The following CHMP3 variants were observed in gnomAD, a reference collection of about 807,000 sequenced individuals.
CHMP3 encodes the protein 25.1 protein.
CHMP3 carries 8 observed loss-of-function variants against 27.4 expected under a neutral mutation model. The ratio of observed to expected loss-of-function variants is 0.29; its 90% confidence interval spans 0.17 to 0.53. The LOEUF (loss-of-function observed/expected upper bound fraction) is 0.53. CHMP3 is among the 20% of genes least tolerant of loss of function. The pLI is 0.96. For missense variants in CHMP3, 208 were observed against 271.5 expected, an observed-to-expected ratio of 0.77 and a Z score of 1.64; for synonymous variants, 86 against 85.5, an observed-to-expected ratio of 1.01 and a Z score of -0.03.
chr2:86,525,895 G>A (rs138652922), intron 3 of CHMP3, among the ~76,000 whole-genome samples: 5 of 152,166 alleles, frequency 3.3e-5, no homozygotes, highest in East Asian at 1.9e-4. Context: ...TGCCAATTAC[G>A]CACTTAGAGA....
At chr2:86,560,646 T>C (rs1293481127) in intron 1 of CHMP3, among the ~76,000 whole-genome samples, 3 of 151,504 alleles carry the variant, frequency 2.0e-5, no homozygotes, top group African/African-American at 7.3e-5. Context: ...CCACAGCACG[T>C]GTATATATGT....
chr2:86,546,457 G>A (rs1676610272), intron 1 of CHMP3, among the ~76,000 whole-genome samples: 2 of 146,550 alleles, frequency 1.4e-5, no homozygotes, highest in South Asian at 2.2e-4. Flanking sequence ...TTTTTTTTGA[G>A]ACGGACTTTC....
Position 86,505,744 on chromosome 2 carries a change from GAC to G in CHMP3, c.*58_*59del, listed in dbSNP as rs1674862801. On this transcript the variant is annotated 3_prime_UTR_variant, in exon 6 of 6. Coordinates refer to ENST00000263856, the MANE Select transcript of CHMP3 (RefSeq NM_016079.4). ...CTCACAACAGAGGTGTAGTGCAAGA[GAC>G]ACATAAAATGGCAGCTCTTGAGAGG... The G allele has an allele frequency of 7.0e-7, 1 of 1,429,552 alleles. No homozygotes were observed. Among genetic ancestry groups the G allele is most frequent in the African/African-American group, 1.4e-5 (1 of 69,264 alleles). 88.6% of individuals were successfully genotyped at this position (1,429,552 alleles called of 1,614,324 possible). A position where few individuals can be genotyped will look rare whatever the true frequency, so the allele number is the denominator to read the frequency against.
chr2:86,560,362 T>C (rs112957763), intron 1 of CHMP3, among the ~76,000 whole-genome samples: 2,804 of 152,164 alleles, frequency 0.018, 50 homozygotes, highest in East Asian at 0.053. Context: ...TGTGGCACCA[T>C]GGAATACTAT....
chr2:86,558,917 T>C (rs926995917), intron 1 of CHMP3, among the ~76,000 whole-genome samples: 12 of 151,746 alleles, frequency 7.9e-5, no homozygotes, highest in African/African-American at 2.9e-4. Flanking sequence ...TTCTTATTCA[T>C]ACACAGCTCT....
chr2:86,507,271 T>G (rs1674922956), intron 5 of CHMP3: 2 of 515,770 alleles, frequency 3.9e-6, no homozygotes, highest in Non-Finnish European at 6.9e-6. Flanking sequence ...TTTAAAATCA[T>G]GCAAACTCTA....
intron 1 of CHMP3, among the ~76,000 whole-genome samples, chr2:86,553,050 G>A (rs1328583057): frequency 6.6e-6 from 1 of 151,714 alleles, no homozygotes; most frequent in Non-Finnish European, 1.5e-5. Context: ...GGGGATGGTG[G>A]GGGAGGAACA....
At chr2:86,554,709 T>A (rs1677043796) in intron 1 of CHMP3, among the ~76,000 whole-genome samples, 1 of 152,038 alleles carries the variant, frequency 6.6e-6, no homozygotes, top group African/African-American at 2.4e-5. Flanking sequence ...CTAAAGAAAC[T>A]CTCTCACAAA....
intron 1 of CHMP3, among the ~76,000 whole-genome samples, chr2:86,549,999 C>G (rs907934360): frequency 6.6e-6 from 1 of 152,242 alleles, no homozygotes; most frequent in Admixed American, 6.5e-5. Context: ...AGGCTGTAAT[C>G]TTAGCACTTT....
intron 3 of CHMP3, among the ~76,000 whole-genome samples, chr2:86,527,698 T>C (rs555285024): frequency 3.3e-5 from 5 of 152,236 alleles, no homozygotes; most frequent in South Asian, 2.1e-4. Context: ...TGGTGGCTCA[T>C]GCCTGTAATC....
At chr2:86,563,201 C>T (rs1037865108) in intron 1 of CHMP3, 103 bp downstream of exon 1, 17 of 1,377,500 alleles carry the variant, frequency 1.2e-5, no homozygotes, top group Middle Eastern at 1.9e-4. Context: ...GGGGGCCGGG[C>T]GGTATCGGGC....
In CHMP3 at chr2:86,537,420, G is replaced by A. The variant is rs546120932; in HGVS notation, c.106+4832C>T. Among the ~76,000 whole-genome samples the A allele has an allele frequency of 8.6e-5, 13 of 152,046 alleles. No individual in the cohort carries two copies. In the East Asian group the frequency reaches 2.3e-3, roughly 27 times the overall value. ...CTTTTCCTTTAGTTCTTTGCACATC[G>A]ATACTTGCTTTAAGTCTTTGTTTAG... is the stretch of plus-strand genomic sequence containing the variant. On this transcript the variant is annotated intron_variant, in intron 2 of 5. Coordinates refer to ENST00000263856, the MANE Select transcript of CHMP3 (RefSeq NM_016079.4).
chr2:86,533,613 C>A (rs1209509068), intron 2 of CHMP3, among the ~76,000 whole-genome samples: 2 of 152,040 alleles, frequency 1.3e-5, no homozygotes, highest in African/African-American at 2.4e-5. Flanking sequence ...TTCAAGCAAT[C>A]TTCCCTCCTC....
chr2:86,516,111 G>A (rs953269026), intron 3 of CHMP3, among the ~76,000 whole-genome samples: 2 of 135,132 alleles, frequency 1.5e-5, no homozygotes, highest in East Asian at 2.3e-4. Context: ...TCGCACCACT[G>A]CACTCCAGCC....
chr2:86,507,530 C>T lies in CHMP3; in HGVS notation c.472G>A (p.Glu158Lys). ...TCAATTTCCATTTCTGCTTCTTCCT[C>T]CATTTCTTCCTGATCGTCCATGCTT... ...FESMDDQEEMEEEAEMEIDRI... is the reference protein window; with the variant it reads ...FESMDDQEEMKEEAEMEIDRI... The change falls in exon 5 of 6, where the codon GAG (glutamate) becomes AAG (lysine). Residue 158 changes from glutamate (E) to lysine (K), a missense_variant. Physicochemically the swap from Glu to Lys is moderately conservative, Grantham distance 56. Around this residue, in one of 3 missense-constraint regions of CHMP3, gnomAD observed 94 missense variants for 159.6 expected, o/e 0.59. Transcript: ENST00000263856. 6.2e-7 allele frequency: 1 copy of T among 1,614,172 alleles called. No homozygotes were observed. The highest frequency in any genetic ancestry group is 1.3e-5 in the African/African-American group (1 of 75,056).
chr2:86,533,881 G>C (rs1676018888), intron 2 of CHMP3, among the ~76,000 whole-genome samples: 1 of 152,106 alleles, frequency 6.6e-6, no homozygotes, highest in African/African-American at 2.4e-5. Context: ...GGTATGTTCT[G>C]ATTTGGTTTT....
chr2:86,529,789 T>C (rs1675842819), intron 2 of CHMP3, among the ~76,000 whole-genome samples: 1 of 152,202 alleles, frequency 6.6e-6, no homozygotes. Context: ...CCTGAACATA[T>C]TATAAGTCTC....
rs1319333048 is a variant in CHMP3, at chr2:86,556,449, T to C, written c.45+6855A>G. 2.0e-5 allele frequency among the ~76,000 whole-genome samples: 3 copies of C among 152,126 alleles called. No individual in the cohort carries two copies. The East Asian group carries it at 5.8e-4, about 29-fold the overall frequency. On this transcript the variant is annotated intron_variant, in intron 1 of 5. Coordinates refer to ENST00000263856, the MANE Select transcript of CHMP3 (RefSeq NM_016079.4). ...TTCTCTCACCATTGTAGGAGATCGG[T>C]CAGGGTGGTGGGAAAAATTGTAAAA...
rs1674788000 is a variant in CHMP3, at chr2:86,503,808, TG to T, written c.*1995del. Reference sequence around the variant, plus strand: ...ATCATGTCCTTTGCAGGAACATGGATGGGGCTGGAGGCCATTATCCTTAACA... The same window carrying T: ...ATCATGTCCTTTGCAGGAACATGGATGGGCTGGAGGCCATTATCCTTAACA... On this transcript the variant is annotated 3_prime_UTR_variant, in exon 6 of 6. Transcript: ENST00000263856. 6.6e-6 allele frequency: 1 copy of T among 152,190 alleles called. No individual in the cohort carries two copies. Among genetic ancestry groups the T allele is most frequent in the African/African-American group, 2.4e-5 (1 of 41,440 alleles). 9.4% of individuals were successfully genotyped at this position (152,190 alleles called of 1,614,324 possible). A position where few individuals can be genotyped will look rare whatever the true frequency, so the allele number is the denominator to read the frequency against.
Sources: gnomAD v4.1 joint callset for allele counts (sites outside exome capture counted in the v4.1 genomes callset) on GRCh38, gnomAD v4.1.1 for gene constraint, gnomAD v4.1.1 regional missense constraint, MANE v1.5 for transcripts, NCBI Gene and HGNC (gene_info 2026-07-23, HGNC 2026-07-21) for gene names.